The following AKAP6 variants were observed in gnomAD, a reference collection of about 807,000 sequenced individuals.
AKAP6 encodes the protein A-kinase anchoring protein 6.
Under a neutral mutation model 188.5 loss-of-function variants are expected in AKAP6, and 58 were observed. The ratio of observed to expected loss-of-function variants is 0.31; its 90% CI spans 0.25 to 0.38. The LOEUF is 0.38. AKAP6 is among the 10% of genes least tolerant of loss of function. The probability of loss-of-function intolerance (pLI) is 1.00; values close to 1 mark genes in which losing one functional copy is unlikely to be tolerated. For synonymous variants in AKAP6, 989 were observed against 998.6 expected (o/e 0.99, Z 0.18); for missense variants, 2,710 against 2,740.0 (o/e 0.99, Z 0.24).
At chr14:32,741,778 G>A (rs1246522515) in intron 11 of AKAP6, among the ~76,000 whole-genome samples, 1 of 146,532 alleles carries the variant, frequency 6.8e-6, no homozygotes, top group Non-Finnish European at 1.5e-5. Context: ...ATTTTGTTGA[G>A]GGTTTTTGCA....
chr14:32,830,816 A>G lies in AKAP6; in HGVS notation c.*1011A>G, dbSNP rs977911058. The G allele has an allele frequency of 7.9e-5, 12 of 152,644 alleles. No individual in the cohort carries two copies. The highest frequency in any genetic ancestry group is 6.5e-4 in the Admixed American group (10 of 15,280). 9.5% of individuals were successfully genotyped at this position (152,644 alleles called of 1,614,324 possible). A position where few individuals can be genotyped will look rare whatever the true frequency, so the allele number is the denominator to read the frequency against. On this transcript the variant is annotated 3_prime_UTR_variant, in exon 14 of 14. Transcript: ENST00000280979. ...ACACAGATTATTGGGGGAAAAGGAA[A>G]ATTAGTGATCTCTTCTACTATGTTC...
At chr14:32,755,518 ATT>A (rs2032297885) in intron 11 of AKAP6, among the ~76,000 whole-genome samples, 4 of 143,796 alleles carry the variant, frequency 2.8e-5, no homozygotes, top group Non-Finnish European at 5.9e-5. Context: ...GGCAATTATT[ATT>A]ATTATTATTA....
intron 1 of AKAP6, among the ~76,000 whole-genome samples, chr14:32,431,003 G>A (rs749387864): frequency 3.9e-5 from 6 of 152,010 alleles, no homozygotes; most frequent in Non-Finnish European, 7.4e-5. Context: ...TACCTGGGGG[G>A]TTGAGGCAGG....
In AKAP6 at chr14:32,831,335, T is replaced by C. The variant is rs953665836; in HGVS notation, c.*1530T>C. On this transcript the variant is annotated 3_prime_UTR_variant, in exon 14 of 14. Transcript: ENST00000280979. ...TGACACAGTAGGTATTCAATAAAAA[T>C]TTACTGAATTAAAGGATTAAATTAG... 6.6e-6 allele frequency: 1 copy of C among 152,172 alleles called. No individual in the cohort carries two copies. The highest frequency in any genetic ancestry group is 1.5e-5 in the Non-Finnish European group (1 of 68,028). The allele number at this position is 152,172 out of a possible 1,614,324, so 9.4% of individuals were successfully genotyped here.
intron 1 of AKAP6, among the ~76,000 whole-genome samples, chr14:32,338,272 C>T (rs1039122642): frequency 6.6e-6 from 1 of 151,970 alleles, no homozygotes; most frequent in African/African-American, 2.4e-5. Context: ...TGCCTAAATA[C>T]CATATATGCT....
intron 12 of AKAP6, among the ~76,000 whole-genome samples, chr14:32,775,226 A>G (rs1251211461): frequency 6.6e-6 from 1 of 152,108 alleles, no homozygotes; most frequent in Non-Finnish European, 1.5e-5. Flanking sequence ...TATTATTATT[A>G]CTTTCTATAC....
intron 1 of AKAP6, among the ~76,000 whole-genome samples, chr14:32,374,380 T>A (rs1664767389): frequency 6.6e-6 from 1 of 152,190 alleles, no homozygotes; most frequent in Non-Finnish European, 1.5e-5. Flanking sequence ...TTAAAAATGA[T>A]TAGACATTTG....
At chr14:32,588,621 T>C (rs1006044653) in intron 5 of AKAP6, among the ~76,000 whole-genome samples, 4 of 152,218 alleles carry the variant, frequency 2.6e-5, no homozygotes, top group Non-Finnish European at 5.9e-5. Context: ...TTAAGATTGA[T>C]GCCTGCAATT....
chr14:32,771,144 C>T (rs1466222905), intron 11 of AKAP6, among the ~76,000 whole-genome samples: 1 of 151,970 alleles, frequency 6.6e-6, no homozygotes, highest in African/African-American at 2.4e-5. Flanking sequence ...TAATGGCTGT[C>T]ATGGAAGCCC....
chr14:32,417,359 C>T (rs887455850), intron 1 of AKAP6, among the ~76,000 whole-genome samples: 1 of 151,914 alleles, frequency 6.6e-6, no homozygotes, highest in Non-Finnish European at 1.5e-5. Context: ...CCCTATGAAA[C>T]GATAGGCAGA....
chr14:32,803,666 T>C (rs1409782330), intron 12 of AKAP6, among the ~76,000 whole-genome samples: 1 of 152,202 alleles, frequency 6.6e-6, no homozygotes, highest in Non-Finnish European at 1.5e-5. Context: ...TACCCAGCTT[T>C]TGAGTCTAGA....
At chr14:32,825,651 T>C (rs2034655030) in intron 13 of AKAP6, among the ~76,000 whole-genome samples, 1 of 152,198 alleles carries the variant, frequency 6.6e-6, no homozygotes, top group South Asian at 2.1e-4. Flanking sequence ...GATTCTGTTA[T>C]TTCCCATTTC....
At chr14:32,337,241 T>C (rs952362932) in intron 1 of AKAP6, among the ~76,000 whole-genome samples, 3 of 152,146 alleles carry the variant, frequency 2.0e-5, no homozygotes, top group African/African-American at 7.2e-5. Context: ...GGGTTATTGG[T>C]ACATTTCATT....
chr14:32,622,080 T>G (rs1441703847), intron 7 of AKAP6, among the ~76,000 whole-genome samples: 1 of 152,164 alleles, frequency 6.6e-6, no homozygotes, highest in Non-Finnish European at 1.5e-5. Flanking sequence ...CCTGAAAATT[T>G]CATTAATTTT....
At chr14:32,530,842 G>A (rs992267569) in intron 2 of AKAP6, among the ~76,000 whole-genome samples, 4 of 151,902 alleles carry the variant, frequency 2.6e-5, no homozygotes, top group Admixed American at 1.3e-4. Flanking sequence ...TTTACAAAAG[G>A]AAAAGGTACC....
chr14:32,445,467 G>A (rs1890724854), intron 2 of AKAP6, among the ~76,000 whole-genome samples: 1 of 152,052 alleles, frequency 6.6e-6, no homozygotes, highest in South Asian at 2.1e-4. Context: ...CTGCCTCCCT[G>A]GTTCTACCAA....
At chr14:32,437,774 T>A (rs961652177) in intron 2 of AKAP6, among the ~76,000 whole-genome samples, 2 of 152,124 alleles carry the variant, frequency 1.3e-5, no homozygotes, top group African/African-American at 4.8e-5. Context: ...TGTTTGTATT[T>A]TGTGTAGTAG....
chr14:32,798,389 T>C (rs12889394), intron 12 of AKAP6, among the ~76,000 whole-genome samples: 34,669 of 152,086 alleles, frequency 0.23, 4,688 homozygotes, highest in Non-Finnish European at 0.3. Flanking sequence ...TTACTGGGTA[T>C]GTTCCCAAAT....
chr14:32,344,426 A>T (rs905256802), intron 1 of AKAP6, among the ~76,000 whole-genome samples: 7 of 152,200 alleles, frequency 4.6e-5, no homozygotes, highest in Non-Finnish European at 7.3e-5. Context: ...AAACCACCTA[A>T]TTAGTCCCAG....
Sources: allele counts gnomAD v4.1 joint callset (sites outside exome capture counted in the v4.1 genomes callset), GRCh38; gene constraint gnomAD v4.1.1; transcripts MANE v1.5; gene names NCBI Gene and HGNC (gene_info 2026-07-23, HGNC 2026-07-21).